Variants in PANK3 observed in about 807,000 individuals in gnomAD.
PANK3 encodes hPanK3.
Under a neutral mutation model 39.4 loss-of-function variants are expected in PANK3, and 20 were observed. The observed-to-expected ratio is 0.51, with a 90% CI of 0.36 to 0.74. The LOEUF (loss-of-function observed/expected upper bound fraction) is 0.74, where lower values mean the gene tolerates loss of function less well. Among genes scored for constraint, PANK3 ranks in the 30% least tolerant of loss-of-function variants. The probability of loss-of-function intolerance (pLI) is 0.00; values close to 1 mark genes in which losing one functional copy is unlikely to be tolerated. For missense variants in PANK3, 265 were observed against 437.0 expected (o/e 0.61, Z 3.51); for synonymous variants, 140 against 157.3 (o/e 0.89, Z 0.82).
intron 2 of PANK3, among the ~76,000 whole-genome samples, chr5:168,566,469 T>G (rs534898201): frequency 1.3e-5 from 2 of 152,304 alleles, no homozygotes; most frequent in Non-Finnish European, 2.9e-5. Flanking sequence ...GCTAGTTTTC[T>G]AAATGATGGG....
At position 168,557,953 on chromosome 5, in the gene PANK3, C is replaced by T. The variant is rs538998051; in HGVS notation, c.1063-332G>A. ...GGGACTATAGGCTCACACTGAAATACGTATTCTAAAAGTGTGGCCTTTAGA... is the reference window on the plus strand; with the variant it reads ...GGGACTATAGGCTCACACTGAAATATGTATTCTAAAAGTGTGGCCTTTAGA... On this transcript the variant is annotated intron_variant, in intron 6 of 6. Coordinates refer to ENST00000239231, the MANE Select transcript of PANK3 (RefSeq NM_024594.4). 6.6e-5 allele frequency among the ~76,000 whole-genome samples: 10 copies of T among 152,230 alleles called. 1 individual carries two copies. The East Asian group carries it at 1.4e-3, about 21-fold the overall frequency.
intron 4 of PANK3, among the ~76,000 whole-genome samples, chr5:168,563,389 T>A (rs1759475845): frequency 1.3e-5 from 2 of 152,174 alleles, no homozygotes; most frequent in Admixed American, 1.3e-4. Flanking sequence ...ATGCAAAAGT[T>A]AGCACTCTAC....
intron 1 of PANK3, among the ~76,000 whole-genome samples, chr5:168,574,782 A>G (rs1759705578): frequency 6.6e-6 from 1 of 151,886 alleles, no homozygotes; most frequent in Admixed American, 6.6e-5. Context: ...AATTGCTTGA[A>G]CCCAGGAGGC....
chr5:168,565,314 A>G (rs1033986559), intron 3 of PANK3, among the ~76,000 whole-genome samples: 2 of 152,160 alleles, frequency 1.3e-5, no homozygotes, highest in African/African-American at 4.8e-5. Flanking sequence ...TTTATATCTT[A>G]TTTCTCATTC....
intron 6 of PANK3, 39 bp from the exon 7 acceptor site, chr5:168,557,660 T>A: frequency 6.5e-7 from 1 of 1,531,636 alleles, no homozygotes; most frequent in Non-Finnish European, 9.0e-7. Flanking sequence ...AGTACAGCTT[T>A]TAAGTTAGCA....
intron 6 of PANK3, among the ~76,000 whole-genome samples, chr5:168,558,362 AC>A (rs1159368993): frequency 4.6e-5 from 7 of 151,784 alleles, no homozygotes; most frequent in South Asian, 2.1e-4. Flanking sequence ...ACGGGGTTTC[AC>A]CGTTGTTAGC....
At chr5:168,562,023 TAAAC>T (rs982113110) in intron 4 of PANK3, among the ~76,000 whole-genome samples, 1 of 152,072 alleles carries the variant, frequency 6.6e-6, no homozygotes, top group African/African-American at 2.4e-5. Context: ...AAGGTAAAAA[TAAAC>T]AAGTGAAATT....
chr5:168,577,210 T>G (rs1367144801), intron 1 of PANK3, among the ~76,000 whole-genome samples: 1 of 152,036 alleles, frequency 6.6e-6, no homozygotes. Context: ...AGTTCATGGT[T>G]GAAATACCTT....
rs143025511 is a variant in PANK3 at position 168,553,660 on chromosome 5, G to A, written c.*3911C>T. The stretch of plus-strand genomic sequence containing the variant: ...TGTAGCCAAACTGAAAAGAAGAGGT[G>A]GGGTGACCTGGGTCCCCATGGCCCT... On this transcript the variant is annotated 3_prime_UTR_variant, in exon 7 of 7. Transcript: ENST00000239231. 219 of 166,578 alleles carry A rather than the reference G, an allele frequency of 1.3e-3. 7 individuals carry two copies. In the South Asian group the frequency reaches 0.03, roughly 23 times the overall value. The allele number at this position is 166,578 out of a possible 1,614,324, so 10.3% of individuals were successfully genotyped here.
Position 168,552,846 on chromosome 5 carries a change from G to A in PANK3, c.*4725C>T. The A allele has an allele frequency of 5.3e-6, 1 of 187,054 alleles. No homozygotes were observed. The allele number at this position is 187,054 out of a possible 1,614,324, so 11.6% of individuals were successfully genotyped here. ...TTGGCTTCTCAACACCTGCATCCTT[G>A]AAGATTCTCATTGAGTAATAGAAGA... On this transcript the variant is annotated 3_prime_UTR_variant, in exon 7 of 7. Transcript: ENST00000239231.
intron 1 of PANK3, among the ~76,000 whole-genome samples, chr5:168,570,666 G>A (rs540814216): frequency 2.6e-5 from 4 of 152,226 alleles, no homozygotes; most frequent in South Asian, 2.1e-4. Context: ...ACGTCAGTAC[G>A]GTTAAGGAAC....
intron 1 of PANK3, among the ~76,000 whole-genome samples, chr5:168,576,897 T>A (rs1049460853): frequency 6.6e-6 from 1 of 151,610 alleles, no homozygotes; most frequent in Admixed American, 6.6e-5. Flanking sequence ...TATTATTATT[T>A]GAGACGGAGT....
rs764261935 is a variant in PANK3 at position 168,558,994 on chromosome 5, T to C, written c.1062+38A>G. ...GCAAGACCCTGTCTCTTAAAAAACA[T>C]GCTATTAAAATTCACAAAAAACATT... On this transcript the variant is annotated intron_variant, in intron 6 of 6. Transcript: ENST00000239231. The C allele has an allele frequency of 3.8e-6, 6 of 1,584,296 alleles. No individual in the cohort carries two copies. In the East Asian group the frequency reaches 6.8e-5, roughly 18 times the overall value.
chr5:168,573,529 T>A (rs2113032544), intron 1 of PANK3, among the ~76,000 whole-genome samples: 1 of 150,858 alleles, frequency 6.6e-6, no homozygotes, highest in South Asian at 2.1e-4. Flanking sequence ...TTTTTAAAAA[T>A]TATTATTATA....
intron 6 of PANK3, among the ~76,000 whole-genome samples, chr5:168,558,410 C>T (rs915859567): frequency 1.3e-5 from 2 of 151,948 alleles, no homozygotes; most frequent in African/African-American, 4.8e-5. Context: ...GTGATCCGTC[C>T]GCCTTGGCCT....
At chr5:168,563,186 C>T (rs1325709996) in intron 4 of PANK3, among the ~76,000 whole-genome samples, 2 of 152,090 alleles carry the variant, frequency 1.3e-5, no homozygotes, top group Non-Finnish European at 2.9e-5. Context: ...GACTTACTTA[C>T]TATGAATCAA....
chr5:168,574,381 A>C (rs920938895), intron 1 of PANK3, among the ~76,000 whole-genome samples: 6 of 152,126 alleles, frequency 3.9e-5, no homozygotes, highest in African/African-American at 1.4e-4. Context: ...TTTTTTAGTA[A>C]GTGGTCTAAT....
intron 1 of PANK3, among the ~76,000 whole-genome samples, chr5:168,578,464 AT>A (rs1759768778): frequency 6.6e-6 from 1 of 152,250 alleles, no homozygotes; most frequent in Non-Finnish European, 1.5e-5. Flanking sequence ...CTGGGAGGCT[AT>A]ACTTAAAAAG....
intron 2 of PANK3, among the ~76,000 whole-genome samples, chr5:168,568,186 C>T (rs1388101548): frequency 6.6e-6 from 1 of 152,134 alleles, no homozygotes. Flanking sequence ...AAAAGGGTAA[C>T]AGATTTTCAT....
Sources: allele counts gnomAD v4.1 joint callset (sites outside exome capture counted in the v4.1 genomes callset), GRCh38; gene constraint gnomAD v4.1.1; transcripts MANE v1.5; gene names NCBI Gene and HGNC (gene_info 2026-07-23, HGNC 2026-07-21).